Variants in DLAT observed in about 807,000 individuals in gnomAD.
DLAT encodes dihydrolipoyllysine-residue acetyltransferase component of pyruvate dehydrogenase complex, mitochondrial.
Under a neutral mutation model 68.0 loss-of-function variants are expected in DLAT, and 43 were observed. The ratio of observed to expected loss-of-function variants is 0.63; its 90% CI spans 0.50 to 0.81. The LOEUF (loss-of-function observed/expected upper bound fraction) is 0.81. Ranked by LOEUF, DLAT falls within the 40% of genes least tolerant of loss-of-function variation. The pLI is 0.00. For synonymous variants in DLAT, 265 were observed against 288.6 expected (o/e 0.92, Z 0.83); for missense variants, 745 against 815.4 (o/e 0.91, Z 1.05).
chr11:112,026,181 T>G lies in DLAT; in HGVS notation c.280-17T>G, dbSNP rs782783574. On this transcript the variant is annotated splice_polypyrimidine_tract_variant and intron_variant, in intron 1 of 13. Transcript: ENST00000280346. ...TAGTCCTTAAAAATTTTAATGTTTC[T>G]TCTTTTCCTTTTCCAGGTTCCATTG... is the stretch of plus-strand genomic sequence containing the variant. The G allele has an allele frequency of 1.9e-6, 3 of 1,590,784 alleles. No homozygotes were observed. The highest frequency in any genetic ancestry group is 1.7e-5 in the Admixed American group (1 of 59,316).
In DLAT at chr11:112,026,198, G is replaced by T. The variant is rs781796716; in HGVS notation, c.280G>T (p.Val94Phe). Residue 94 changes from valine to phenylalanine, a missense_variant and splice_region_variant, in exon 2 of 14, where the codon GTT becomes TTT. Val to Phe is a conservative substitution (Grantham distance 50). Transcript: ENST00000280346. ...AATGTTTCTTCTTTTCCTTTTCCAG[G>T]TTCCATTGCCTTCTCTTTCCCCCAC... ...RYYSLPPHQK[V>F]PLPSLSPTMQ... The T allele has an allele frequency of 6.2e-7, 1 of 1,608,420 alleles. No homozygotes were observed. The highest frequency in any genetic ancestry group is 1.3e-5 in the African/African-American group (1 of 74,554).
rs140341574 is a variant in DLAT, at chr11:112,030,283, T to A, written c.660+1338T>A. ...GGCACAACGTCTGCAGAGAGCTCGA[T>A]CTTTGTGCGGCCAACTTCCTGACTG... On this transcript the variant is annotated intron_variant, in intron 4 of 13. Coordinates refer to ENST00000280346, the MANE Select transcript of DLAT (RefSeq NM_001931.5). The A allele has an allele frequency of 1.5e-4, 83 of 557,890 alleles. 1 individual carries two copies. The highest frequency in any genetic ancestry group is 1.2e-3 in the Middle Eastern group (4 of 3,252). 34.6% of individuals were successfully genotyped at this position (557,890 alleles called of 1,614,324 possible).
chr11:112,064,279 T>G lies in DLAT; in HGVS notation c.*1744T>G. ...TAAACATTGTTGAGTTAAAAATTAA[T>G]CTGAGCTATAATCTAAATCGATTCA... On this transcript the variant is annotated 3_prime_UTR_variant, in exon 14 of 14. Coordinates refer to ENST00000280346, the MANE Select transcript of DLAT (RefSeq NM_001931.5). 1 of 1,431,912 alleles carries G rather than the reference T, an allele frequency of 7.0e-7. No individual in the cohort carries two copies. The highest frequency in any genetic ancestry group is 1.3e-5 in the South Asian group (1 of 76,614). 88.7% of individuals were successfully genotyped at this position (1,431,912 alleles called of 1,614,324 possible).
rs372430499 is a variant in DLAT, at chr11:112,043,464, A to G, written c.1130-2A>G. ...TGTATGTGATATTTATGTCTCTTAC[A>G]GGGACAGGACCAGATGGTAGAATCA... is the stretch of plus-strand genomic sequence containing the variant. On this transcript the variant is annotated splice_acceptor_variant, in intron 7 of 13. Coordinates refer to ENST00000280346, the MANE Select transcript of DLAT (RefSeq NM_001931.5). LOFTEE classifies it high-confidence loss of function. 6.2e-7 allele frequency: 1 copy of G among 1,613,794 alleles called. No homozygotes were observed. The highest frequency in any genetic ancestry group is 8.5e-7 in the Non-Finnish European group (1 of 1,179,804).
chr11:112,051,321 T>G lies in DLAT; in HGVS notation c.1486T>G (p.Ser496Ala), dbSNP rs1863617445. The change falls in exon 11 of 14, where the codon TCT becomes GCT. Residue 496 changes from serine (S) to alanine (A), a missense_variant. Physicochemically the swap from Ser to Ala is moderately conservative, Grantham distance 99. Transcript: ENST00000280346. This position sits in a 1 kb window ranked among gnomAD's most constrained non-coding sequence, Gnocchi z 4.3. ...LACLKVPEAN[S>A]SWMDTVIRQN... ...ATGTTTAAAAGTTCCCGAAGCAAAT[T>G]CTTCTTGGATGGACACAGTTATAAG... 6.2e-7 allele frequency: 1 copy of G among 1,613,272 alleles called. No individual in the cohort carries two copies. Among genetic ancestry groups the G allele is most frequent in the Non-Finnish European group, 8.5e-7 (1 of 1,179,570 alleles).
intron 4 of DLAT, chr11:112,030,461 T>C: frequency 3.5e-6 from 1 of 286,288 alleles, no homozygotes. Flanking sequence ...TGTCAAGTGC[T>C]GTCTGTTGAA....
At chr11:112,033,605 T>C in intron 5 of DLAT, 75 bp downstream of exon 5, 1 of 1,530,554 alleles carries the variant, frequency 6.5e-7, no homozygotes. Context: ...TTCTTTCCTA[T>C]AATGAGTGAG....
At chr11:112,039,092 T>C in intron 6 of DLAT, 152 bp from the exon 7 acceptor site, 1 of 676,680 alleles carries the variant, frequency 1.5e-6, no homozygotes, top group Non-Finnish European at 2.2e-6. Context: ...TTGGTTAAGC[T>C]GGCGAAAAGT....
At chr11:112,026,136 A>T in intron 1 of DLAT, 62 bp from the exon 2 acceptor site, 3 of 1,255,288 alleles carry the variant, frequency 2.4e-6, no homozygotes, top group Non-Finnish European at 3.4e-6. Flanking sequence ...ATGAAATCTT[A>T]AGCCAGACTG....
At chr11:112,052,880 G>A (rs1394485052) in intron 11 of DLAT, among the ~76,000 whole-genome samples, 3 of 151,978 alleles carry the variant, frequency 2.0e-5, no homozygotes, top group Admixed American at 6.6e-5. Context: ...CCCACCCTAA[G>A]TATCCGTCAT....
chr11:112,061,846 G>A (rs1864649051), intron 13 of DLAT, among the ~76,000 whole-genome samples: 1 of 152,158 alleles, frequency 6.6e-6, no homozygotes, highest in Non-Finnish European at 1.5e-5. Context: ...GCCTTCCAAA[G>A]TGCTGGGATT....
rs587664799 is a variant in DLAT at position 112,063,398 on chromosome 11, T to G, written c.*863T>G. On this transcript the variant is annotated 3_prime_UTR_variant, in exon 14 of 14. Coordinates refer to ENST00000280346, the MANE Select transcript of DLAT (RefSeq NM_001931.5). ...ATGAACAGAATTTATGACTCCACTG[T>G]GGAAAATGCTATCAAATAACTAAGG... 2 of 152,688 alleles carry G rather than the reference T, an allele frequency of 1.3e-5. No individual in the cohort carries two copies. Among genetic ancestry groups the G allele is most frequent in the East Asian group, 3.9e-4 (2 of 5,192 alleles). 9.5% of individuals were successfully genotyped at this position (152,688 alleles called of 1,614,324 possible). A position where few individuals can be genotyped will look rare whatever the true frequency, so the allele number is the denominator to read the frequency against.
chr11:112,032,956 C>T (rs1261396334), intron 4 of DLAT, among the ~76,000 whole-genome samples: 9 of 151,952 alleles, frequency 5.9e-5, no homozygotes, highest in African/African-American at 1.5e-4. Context: ...TCCAGCTACT[C>T]GGGAGGCTGA....
At position 112,062,306 on chromosome 11, in the gene DLAT, C is replaced by T; in HGVS notation, c.1815-100C>T. On this transcript the variant is annotated intron_variant, in intron 13 of 13. Transcript: ENST00000280346. ...TGGAAGAGTAGATAGGAAGTATTAC[C>T]TGGTTGGGATTATAGGGTAGGAGTG... The T allele has an allele frequency of 4.0e-6, 5 of 1,261,504 alleles. No individual in the cohort carries two copies. The South Asian group carries it at 5.0e-5, about 13-fold the overall frequency. The allele number at this position is 1,261,504 out of a possible 1,614,324, so 78.1% of individuals were successfully genotyped here. A position where few individuals can be genotyped will look rare whatever the true frequency, so the allele number is the denominator to read the frequency against.
At chr11:112,040,923 TA>T (rs60065215) in intron 7 of DLAT, among the ~76,000 whole-genome samples, 290 of 143,622 alleles carry the variant, frequency 2.0e-3, no homozygotes, top group Middle Eastern at 7.1e-3. Flanking sequence ...AGAGGAGTGT[TA>T]AAAAAAAAAA....
rs1333822121 is a variant in DLAT at position 112,064,330 on chromosome 11, AAGTT to A, written c.*1798_*1801del. ...GTCTCTTACCAGAACTGAAAGAAAA[AAGTT>A]AGAAATAGTGTTTTTGGTTCATATG... On this transcript the variant is annotated 3_prime_UTR_variant, in exon 14 of 14. Transcript: ENST00000280346. The A allele has an allele frequency of 5.4e-6, 5 of 934,390 alleles. No individual in the cohort carries two copies. Among genetic ancestry groups the A allele is most frequent in the South Asian group, 2.2e-5 (1 of 46,488 alleles). The allele number at this position is 934,390 out of a possible 1,614,324, so 57.9% of individuals were successfully genotyped here. A position where few individuals can be genotyped will look rare whatever the true frequency, so the allele number is the denominator to read the frequency against.
rs587695076 is a variant in DLAT, at chr11:112,030,709, A to G, written c.660+1764A>G. Among the ~76,000 whole-genome samples the G allele has an allele frequency of 3.9e-5, 6 of 152,348 alleles. No homozygotes were observed. The East Asian group carries it at 1.2e-3, about 29-fold the overall frequency. On this transcript the variant is annotated intron_variant, in intron 4 of 13. Transcript: ENST00000280346. ...ATTAGGTATTAGGGTTATCGTCTGT[A>G]TATTTGTGTGCTTTAGATGTTAAAA...
intron 10 of DLAT, among the ~76,000 whole-genome samples, chr11:112,050,717 C>T (rs1362225935): frequency 6.6e-6 from 1 of 152,160 alleles, no homozygotes; most frequent in African/African-American, 2.4e-5. Flanking sequence ...GTCTTCTCTC[C>T]TCTTCTTGGT....
At chr11:112,037,012 A>G in intron 5 of DLAT, 1 of 471,822 alleles carries the variant, frequency 2.1e-6, no homozygotes, top group Non-Finnish European at 3.8e-6. Flanking sequence ...ACTTTGTACC[A>G]GGTTGTATTA....
Sources: allele counts gnomAD v4.1 joint callset (sites outside exome capture counted in the v4.1 genomes callset), GRCh38; gene constraint gnomAD v4.1.1; non-coding constraint Gnocchi (gnomAD v3.1); transcripts MANE v1.5; gene names NCBI Gene and HGNC (gene_info 2026-07-23, HGNC 2026-07-21).